Variants in MACROD2 observed in about 807,000 individuals in gnomAD.
MACROD2 encodes mono-ADP ribosylhydrolase 2.
Under a neutral mutation model 70.4 loss-of-function variants are expected in MACROD2, and 36 were observed. The observed-to-expected ratio is 0.51, with a 90% CI of 0.39 to 0.68. The LOEUF is 0.68. Among genes scored for constraint, MACROD2 ranks in the 30% least tolerant of loss-of-function variants. MACROD2 has a pLI of 0.00. For synonymous variants in MACROD2, 172 were observed against 178.8 expected, an observed-to-expected ratio of 0.96 and a Z score of 0.30; for missense variants, 496 against 538.4, an observed-to-expected ratio of 0.92 and a Z score of 0.78.
At chr20:13,996,961 A>C (rs949838504) in intron 1 of MACROD2, among the ~76,000 whole-genome samples, 8 of 152,194 alleles carry the variant, frequency 5.3e-5, no homozygotes, top group African/African-American at 1.9e-4. Context: ...TTTTATTGCA[A>C]GTCCCGGCCT....
chr20:15,922,499 G>A (rs753896558), intron 10 of MACROD2, among the ~76,000 whole-genome samples: 10 of 152,134 alleles, frequency 6.6e-5, no homozygotes, highest in South Asian at 2.1e-4. Flanking sequence ...GACTTGCCTC[G>A]TAGTCCGTGG....
intron 2 of MACROD2, among the ~76,000 whole-genome samples, chr20:14,006,554 T>C (rs754725395): frequency 1.8e-4 from 27 of 152,360 alleles, no homozygotes; most frequent in Middle Eastern, 3.4e-3. Flanking sequence ...AATTTTGATA[T>C]AATTAAATAT....
intron 3 of MACROD2, among the ~76,000 whole-genome samples, chr20:14,102,249 G>T (rs1259353912): frequency 1.3e-5 from 2 of 151,810 alleles, no homozygotes; most frequent in East Asian, 1.9e-4. Context: ...TGATCTGCCC[G>T]CCTCAGCCTC....
chr20:15,877,639 A>G (rs1470147452), intron 9 of MACROD2, among the ~76,000 whole-genome samples: 1 of 152,150 alleles, frequency 6.6e-6, no homozygotes, highest in Non-Finnish European at 1.5e-5. Context: ...CAAGTCCTAC[A>G]AGAAGTCATG....
At chr20:14,415,262 C>T (rs2083791480) in intron 3 of MACROD2, among the ~76,000 whole-genome samples, 1 of 152,064 alleles carries the variant, frequency 6.6e-6, no homozygotes, top group African/African-American at 2.4e-5. Flanking sequence ...ACTATGAGTA[C>T]AACTTAGATT....
intron 5 of MACROD2, among the ~76,000 whole-genome samples, chr20:14,789,341 G>T (rs901192890): frequency 2.0e-5 from 3 of 150,660 alleles, no homozygotes; most frequent in African/African-American, 4.9e-5. Flanking sequence ...ATAAAAGAAA[G>T]AAATAAGATC....
chr20:15,332,654 G>A (rs2078005410), intron 6 of MACROD2, among the ~76,000 whole-genome samples: 1 of 151,524 alleles, frequency 6.6e-6, no homozygotes, highest in South Asian at 2.1e-4. Flanking sequence ...GACGATATAT[G>A]ACGTGAATAT....
chr20:15,097,396 T>C (rs1389717074), intron 5 of MACROD2, among the ~76,000 whole-genome samples: 1 of 152,202 alleles, frequency 6.6e-6, no homozygotes, highest in East Asian at 1.9e-4. Context: ...TGCCAAAATA[T>C]AACATTTATC....
intron 4 of MACROD2, among the ~76,000 whole-genome samples, chr20:14,653,541 A>G (rs1985805474): frequency 6.7e-6 from 1 of 149,370 alleles, no homozygotes; most frequent in African/African-American, 2.5e-5. Context: ...TTTTTTTAAG[A>G]GATGAGTTCT....
chr20:15,058,892 T>A (rs554169520), intron 5 of MACROD2, among the ~76,000 whole-genome samples: 30 of 152,364 alleles, frequency 2.0e-4, no homozygotes, highest in African/African-American at 7.2e-4. Context: ...AAGCTATGGT[T>A]GGAAGGAAGT....
intron 8 of MACROD2, among the ~76,000 whole-genome samples, chr20:15,780,333 G>T (rs2051810051): frequency 6.6e-6 from 1 of 152,114 alleles, no homozygotes; most frequent in South Asian, 2.1e-4. Flanking sequence ...TACTAGTCTG[G>T]TATGTTCTCT....
intron 3 of MACROD2, among the ~76,000 whole-genome samples, chr20:14,272,801 T>C (rs2082209159): frequency 6.6e-6 from 1 of 152,122 alleles, no homozygotes; most frequent in African/African-American, 2.4e-5. Flanking sequence ...TGGAGGAAGA[T>C]CTACCAAGCA....
At chr20:15,669,909 C>A (rs758497969) in intron 8 of MACROD2, among the ~76,000 whole-genome samples, 1 of 152,160 alleles carries the variant, frequency 6.6e-6, no homozygotes, top group Non-Finnish European at 1.5e-5. Flanking sequence ...TATTGAGCAC[C>A]TACTATGTGA....
At chr20:14,407,484 C>T (rs757396668) in intron 3 of MACROD2, among the ~76,000 whole-genome samples, 1 of 152,108 alleles carries the variant, frequency 6.6e-6, no homozygotes, top group Non-Finnish European at 1.5e-5. Context: ...TGACTGCTAA[C>T]ATTGATTCCC....
chr20:15,994,839 GT>G (rs1423076869), intron 15 of MACROD2, among the ~76,000 whole-genome samples: 1 of 152,020 alleles, frequency 6.6e-6, no homozygotes, highest in Non-Finnish European at 1.5e-5. Flanking sequence ...AGTACTTTTG[GT>G]TTTGATGCTA....
intron 5 of MACROD2, among the ~76,000 whole-genome samples, chr20:14,915,205 GA>G (rs2074076729): frequency 6.6e-6 from 1 of 152,198 alleles, no homozygotes; most frequent in African/African-American, 2.4e-5. Context: ...CAATAAAATG[GA>G]ATTGAATTTA....
chr20:14,613,184 T>G (rs1280644889), intron 4 of MACROD2, among the ~76,000 whole-genome samples: 1 of 152,118 alleles, frequency 6.6e-6, no homozygotes, highest in Non-Finnish European at 1.5e-5. Flanking sequence ...AAGTCGCACT[T>G]CTGACAACAT....
At chr20:14,832,034 GTTTTTTT>G (rs1180071947) in intron 5 of MACROD2, among the ~76,000 whole-genome samples, 3 of 63,672 alleles carry the variant, frequency 4.7e-5, no homozygotes, top group Non-Finnish European at 5.7e-5. Context: ...GCCTTTGCGA[GTTTTTTT>G]TTTTTTTTTT....
Position 16,051,524 on chromosome 20 carries a change from T to A in MACROD2, c.*1648T>A, listed in dbSNP as rs558409941. 1 of 152,324 alleles carries A rather than the reference T, an allele frequency of 6.6e-6. No homozygotes were observed. Among genetic ancestry groups the A allele is most frequent in the East Asian group, 1.9e-4 (1 of 5,180 alleles). 9.4% of individuals were successfully genotyped at this position (152,324 alleles called of 1,614,324 possible). On this transcript the variant is annotated 3_prime_UTR_variant, in exon 18 of 18. Transcript: ENST00000684519. Reference sequence around the variant, plus strand: ...AATAAAATCAAGACATCAGCAAGAATGACATTTACGTGACCTCATAATGTG... The same window carrying A: ...AATAAAATCAAGACATCAGCAAGAAAGACATTTACGTGACCTCATAATGTG...
Sources: gnomAD v4.1 joint callset for allele counts (sites outside exome capture counted in the v4.1 genomes callset) on GRCh38, gnomAD v4.1.1 for gene constraint, MANE v1.5 for transcripts, NCBI Gene and HGNC (gene_info 2026-07-23, HGNC 2026-07-21) for gene names.